Variants in SIAE observed in about 807,000 individuals in gnomAD.
The protein encoded by SIAE is sialic acid acetylesterase.
A neutral mutation model predicts 52.6 loss-of-function variants in SIAE; 39 were observed. The observed-to-expected ratio is 0.74, with a 90% CI of 0.57 to 0.97. SIAE has a LOEUF of 0.97. Among genes scored for constraint, SIAE ranks in the 50% least tolerant of loss-of-function variants. SIAE has a pLI of 0.00. For synonymous variants in SIAE, 233 were observed against 241.4 expected, an observed-to-expected ratio of 0.97 and a Z score of 0.32; for missense variants, 592 against 662.1, an observed-to-expected ratio of 0.89 and a Z score of 1.16.
rs753362128 is a variant in SIAE, at chr11:124,673,718, G to A, written c.-10C>T. The A allele has an allele frequency of 2.5e-6, 4 of 1,613,196 alleles. No homozygotes were observed. Among genetic ancestry groups the A allele is most frequent in the African/African-American group, 2.7e-5 (2 of 74,882 alleles). On this transcript the variant is annotated 5_prime_UTR_variant, in exon 1 of 10. Transcript: ENST00000263593. ...GCCCCGGCGCGACCATGCTTGCAAG[G>A]ATCTGACCGCCGCCTAGGACTGGGA...
At chr11:124,667,803 A>C (rs1386890812) in intron 2 of SIAE, among the ~76,000 whole-genome samples, 1 of 152,076 alleles carries the variant, frequency 6.6e-6, no homozygotes, top group African/African-American at 2.4e-5. Context: ...ACCGGCTTCT[A>C]TATCTTTATC....
intron 3 of SIAE, among the ~76,000 whole-genome samples, chr11:124,658,471 G>T (rs1943134166): frequency 6.6e-6 from 1 of 152,024 alleles, no homozygotes; most frequent in South Asian, 2.1e-4. Context: ...AGGAATGTGG[G>T]GAGTTCTGAG....
At chr11:124,675,827 T>C (rs1337061004), upstream of SIAE, 1 of 157,282 alleles carries the variant, frequency 6.4e-6, no homozygotes, top group East Asian at 1.9e-4. Flanking sequence ...TTCCTTTCAA[T>C]TTTGATTCCT....
At chr11:124,640,014 G>A in intron 7 of SIAE, 147 bp from the exon 8 acceptor site, 2 of 1,010,610 alleles carry the variant, frequency 2.0e-6, no homozygotes, top group Non-Finnish European at 3.0e-6. Context: ...TTGTGGCAGT[G>A]TCTCTCCAAA....
At chr11:124,650,418 C>A (rs377429706) in intron 4 of SIAE, among the ~76,000 whole-genome samples, 3 of 152,234 alleles carry the variant, frequency 2.0e-5, no homozygotes, top group Admixed American at 6.5e-5. Flanking sequence ...AAGGAGGGGG[C>A]AACTTAAGAA....
intron 7 of SIAE, among the ~76,000 whole-genome samples, chr11:124,644,428 G>C (rs1423439262): frequency 2.6e-5 from 4 of 151,626 alleles, no homozygotes; most frequent in East Asian, 3.9e-4. Flanking sequence ...CAAGTCAAGG[G>C]AATTTTCTCA....
At chr11:124,675,120 G>A, upstream of SIAE, 1 of 1,032,408 alleles carries the variant, frequency 9.7e-7, no homozygotes, top group Admixed American at 2.8e-5. Context: ...GGTTGTGTTA[G>A]GGAAAAAAGA....
intron 2 of SIAE, among the ~76,000 whole-genome samples, chr11:124,666,561 A>G (rs1591396070): frequency 6.6e-6 from 1 of 152,330 alleles, no homozygotes; most frequent in South Asian, 2.1e-4. Flanking sequence ...ACCACCACCA[A>G]TAACATCAAC....
Position 124,639,695 on chromosome 11 carries a change from A to G in SIAE, c.1124+15T>C. The G allele has an allele frequency of 1.2e-6, 2 of 1,614,000 alleles. No homozygotes were observed. The highest frequency in any genetic ancestry group is 1.3e-5 in the African/African-American group (1 of 75,050). On this transcript the variant is annotated intron_variant, in intron 8 of 9. Transcript: ENST00000263593. ...AACATACACTGTTCATGCAAAGCCC[A>G]AGAAGCAATCATACCTGCCAAAAGG...
chr11:124,673,780 G>C (rs1489725458), upstream of SIAE: 2 of 1,544,064 alleles, frequency 1.3e-6, no homozygotes, highest in East Asian at 4.8e-5. Context: ...CTGGGCGGGG[G>C]CGAGGCCGAC....
chr11:124,639,470 T>G (rs898937874), intron 8 of SIAE, among the ~76,000 whole-genome samples: 3 of 152,200 alleles, frequency 2.0e-5, no homozygotes, highest in African/African-American at 7.2e-5. Flanking sequence ...TATGAATGAT[T>G]ACAGTGAGCA....
chr11:124,641,760 ACCAGCCTGG>A (rs901186260), intron 7 of SIAE, among the ~76,000 whole-genome samples: 1 of 152,080 alleles, frequency 6.6e-6, no homozygotes, highest in Admixed American at 6.5e-5. Context: ...GGAGTTCAAG[ACCAGCCTGG>A]CCAAAATGAT....
At chr11:124,672,569 G>A (rs940042668) in intron 1 of SIAE, among the ~76,000 whole-genome samples, 4 of 152,148 alleles carry the variant, frequency 2.6e-5, no homozygotes, top group Non-Finnish European at 5.9e-5. Flanking sequence ...GTAACAATAA[G>A]ACCCAAAGGA....
intron 7 of SIAE, among the ~76,000 whole-genome samples, chr11:124,646,293 G>A (rs1591386285): frequency 2.6e-5 from 4 of 152,076 alleles, no homozygotes; most frequent in Admixed American, 2.0e-4. Flanking sequence ...ACTATTTAAC[G>A]AGTGCCAATC....
At chr11:124,659,243 T>C (rs1015347138) in intron 3 of SIAE, 1 of 152,236 alleles carries the variant, frequency 6.6e-6, no homozygotes, top group African/African-American at 2.4e-5. Context: ...ATCTGGTCCA[T>C]GCCTTTCTGT....
Position 124,633,212 on chromosome 11 carries a change from T to C in SIAE, c.*3739A>G, listed in dbSNP as rs975002687. On this transcript the variant is annotated 3_prime_UTR_variant, in exon 10 of 10. Coordinates refer to ENST00000263593, the MANE Select transcript of SIAE (RefSeq NM_170601.5). The stretch of plus-strand genomic sequence containing the variant: ...TATGATAACACAAATTCACATATAA[T>C]TGGGGGTTAGTCCCATACTCTATAA... 1 of 152,234 alleles carries C rather than the reference T, an allele frequency of 6.6e-6. No homozygotes were observed. Among genetic ancestry groups the C allele is most frequent in the African/African-American group, 2.4e-5 (1 of 41,466 alleles). The allele number at this position is 152,234 out of a possible 1,614,324, so 9.4% of individuals were successfully genotyped here. A position where few individuals can be genotyped will look rare whatever the true frequency, so the allele number is the denominator to read the frequency against.
chr11:124,637,317 A>T, intron 9 of SIAE, 115 bp from the exon 10 acceptor site: 1 of 1,437,470 alleles, frequency 7.0e-7, no homozygotes, highest in South Asian at 1.2e-5. Context: ...TTCACCAAGG[A>T]CCTACTCCTA....
At chr11:124,647,530 G>A (rs751968086) in intron 6 of SIAE, 32 bp from the exon 7 acceptor site, 19 of 1,613,494 alleles carry the variant, frequency 1.2e-5, no homozygotes, top group Non-Finnish European at 1.6e-5. Flanking sequence ...AAGGGAGTTT[G>A]GAGTAGACTG....
chr11:124,675,257 C>G, upstream of SIAE: 1 of 1,610,762 alleles, frequency 6.2e-7, no homozygotes, highest in Non-Finnish European at 8.5e-7. Context: ...GCAGTTCTTA[C>G]CAAGAAGATG....
Sources: allele counts gnomAD v4.1 joint callset (sites outside exome capture counted in the v4.1 genomes callset), GRCh38; gene constraint gnomAD v4.1.1; transcripts MANE v1.5; gene names NCBI Gene and HGNC (gene_info 2026-07-23, HGNC 2026-07-21).